Variants in CFAP410 observed in about 807,000 individuals in gnomAD.
The protein encoded by CFAP410 is cilia and flagella associated protein 410, also known as cilia- and flagella-associated protein 410.
Under a neutral mutation model 25.7 loss-of-function variants are expected in CFAP410, and 27 were observed. The ratio of observed to expected loss-of-function variants is 1.05; its 90% CI spans 0.77 to 1.45. The LOEUF is 1.45. Ranked by LOEUF, CFAP410 falls within the 40% of genes most tolerant of loss-of-function variation. CFAP410 has a pLI of 0.00. For missense variants in CFAP410, 428 were observed against 354.1 expected (o/e 1.21, Z -1.67); for synonymous variants, 178 against 158.4 (o/e 1.12, Z -0.93).
At chr21:44,330,661 G>A (rs1477328017) in intron 6 of CFAP410, 162 bp downstream of exon 6, 33 of 1,549,726 alleles carry the variant, frequency 2.1e-5, no homozygotes, top group Admixed American at 3.9e-5. Flanking sequence ...TCACAGACCC[G>A]CACACGCAGC....
chr21:44,330,245 G>A lies in CFAP410; in HGVS notation c.724C>T (p.Arg242Trp), dbSNP rs780412319. 20 of 1,595,490 alleles carry A rather than the reference G, an allele frequency of 1.3e-5. No individual in the cohort carries two copies. Among genetic ancestry groups the A allele is most frequent in the East Asian group, 4.5e-5 (2 of 44,234 alleles). Residue 242 changes from arginine to tryptophan, a missense_variant, in exon 7 of 7, where the codon CGG becomes TGG. Arg to Trp is a moderately radical substitution (Grantham distance 101). Transcript: ENST00000339818. ...LEAVQQTVGS[R>W]LQALRGEEVQ... Reference sequence around the variant, plus strand: ...TCTTCCCCACGCAGGGCCTGCAGCCGGCTGCCCACAGTCTGCTGCACGGCC... The same window carrying A: ...TCTTCCCCACGCAGGGCCTGCAGCCAGCTGCCCACAGTCTGCTGCACGGCC...
Position 44,333,197 on chromosome 21 carries a change from C to G in CFAP410, c.209G>C (p.Arg70Pro). The G allele has an allele frequency of 6.2e-7, 1 of 1,612,914 alleles. No homozygotes were observed. The highest frequency in any genetic ancestry group is 8.5e-7 in the Non-Finnish European group (1 of 1,179,962). ...RCQRLSELYL[R>P]RNRIPSLAEL... Reference sequence around the variant, plus strand: ...AGCCAGGCTGGGGATGCGGTTCCTCCGCAGGTACAGCTCACTCAGGCGCTG... The same window carrying G: ...AGCCAGGCTGGGGATGCGGTTCCTCGGCAGGTACAGCTCACTCAGGCGCTG... Residue 70 changes from arginine to proline, a missense_variant, in exon 4 of 7, where the codon CGG becomes CCG. Arg to Pro is a moderately radical substitution (Grantham distance 103). Coordinates refer to ENST00000339818, the MANE Select transcript of CFAP410 (RefSeq NM_004928.3).
chr21:44,335,494 G>C (rs768419287), intron 3 of CFAP410: 107 of 562,080 alleles, frequency 1.9e-4, no homozygotes, highest in Non-Finnish European at 2.9e-4. Flanking sequence ...CACAGGCCAA[G>C]GGTGGGCAGG....
intron 3 of CFAP410, chr21:44,334,493 CTCAACCTCTGGGCGGGCACGCGCA>C: frequency 1.5e-5 from 5 of 342,542 alleles, no homozygotes; most frequent in African/African-American, 9.2e-5. Flanking sequence ...CGCACCCCCC[CTCAACCTCTGGGCGGGCACGCGCA>C]CCCCCCCCCC....
chr21:44,334,389 C>A (rs557002784), intron 3 of CFAP410: 48 of 411,214 alleles, frequency 1.2e-4, no homozygotes, highest in Non-Finnish European at 2.1e-4. Flanking sequence ...ACAAGCTCCA[C>A]GTTTCCCTGT....
In CFAP410 at chr21:44,330,748, C is replaced by T. The variant is rs1389479481; in HGVS notation, c.642+75G>A. 1.3e-6 allele frequency: 2 copies of T among 1,550,872 alleles called. No individual in the cohort carries two copies. The highest frequency in any genetic ancestry group is 1.7e-6 in the Non-Finnish European group (2 of 1,147,172). On this transcript the variant is annotated intron_variant, in intron 6 of 6. Transcript: ENST00000339818. ...CCACGGGGCCCTGTGAGGCTCCATGCTCCCTCCCCACGGTTTCTGTGCAGT... is the reference window on the plus strand; with the variant it reads ...CCACGGGGCCCTGTGAGGCTCCATGTTCCCTCCCCACGGTTTCTGTGCAGT...
At chr21:44,333,372 C>T (rs1280333493) in intron 3 of CFAP410, 110 bp from the exon 4 acceptor site, 8 of 825,470 alleles carry the variant, frequency 9.7e-6, no homozygotes, top group South Asian at 1.6e-5. Context: ...TCCCTGCCCT[C>T]TCCTGAGAAG....
chr21:44,337,788 G>T, intron 1 of CFAP410, 121 bp from the exon 2 acceptor site: 1 of 785,008 alleles, frequency 1.3e-6, no homozygotes, highest in Non-Finnish European at 2.1e-6. Context: ...GATTTTAATG[G>T]CATGGCAAAA....
intron 5 of CFAP410, 40 bp from the exon 6 acceptor site, chr21:44,330,959 G>A (rs528395184): frequency 3.0e-5 from 45 of 1,506,096 alleles, no homozygotes; most frequent in Admixed American, 1.0e-4. Context: ...CAGGGGGCTC[G>A]TGGCACCGGG....
At position 44,329,213 on chromosome 21, in the gene CFAP410, A is replaced by C. The variant is rs1281155219; in HGVS notation, c.*985T>G. Reference sequence around the variant, plus strand: ...GTGACGGTGGCACGGCATGGCCCCGAGCTTGGGAGAACAGCGGCCTGCACA... The same window carrying C: ...GTGACGGTGGCACGGCATGGCCCCGCGCTTGGGAGAACAGCGGCCTGCACA... On this transcript the variant is annotated 3_prime_UTR_variant, in exon 7 of 7. Transcript: ENST00000339818. 2.0e-5 allele frequency: 3 copies of C among 152,220 alleles called. No individual in the cohort carries two copies. Among genetic ancestry groups the C allele is most frequent in the Non-Finnish European group, 4.4e-5 (3 of 68,068 alleles). The allele number at this position is 152,220 out of a possible 1,614,324, so 9.4% of individuals were successfully genotyped here.
Position 44,329,925 on chromosome 21 carries a change from C to T in CFAP410, c.*273G>A, listed in dbSNP as rs1353145261. ...AAAATCTTTTATTAGGGAGGACAGC[C>T]TGCAAAATCCTCCCTTTAAGAGCCC... On this transcript the variant is annotated 3_prime_UTR_variant, in exon 7 of 7. Coordinates refer to ENST00000339818, the MANE Select transcript of CFAP410 (RefSeq NM_004928.3). The T allele has an allele frequency of 9.4e-6, 4 of 425,104 alleles. No individual in the cohort carries two copies. The highest frequency in any genetic ancestry group is 4.2e-5 in the Admixed American group (1 of 23,904). 26.3% of individuals were successfully genotyped at this position (425,104 alleles called of 1,614,324 possible).
At position 44,331,874 on chromosome 21, in the gene CFAP410, G is replaced by T; in HGVS notation, c.514C>A (p.Arg172=). The T allele has an allele frequency of 1.2e-6, 2 of 1,612,248 alleles. No homozygotes were observed. Among genetic ancestry groups the T allele is most frequent in the African/African-American group, 1.3e-5 (1 of 75,022 alleles). ...TCCTCCTCGCTGTCCAGCGGGTCCC[G>T]GCCAGTCTCAGCAGCGGAGCTGAGG... ...SSLSSAAETG[R]DPLDSEEEAT... The change falls in exon 5 of 7, where the codon CGG becomes AGG. Residue 172 remains arginine, a synonymous_variant. Coordinates refer to ENST00000339818, the MANE Select transcript of CFAP410 (RefSeq NM_004928.3).
At chr21:44,333,613 G>T in intron 3 of CFAP410, 1 of 395,628 alleles carries the variant, frequency 2.5e-6, no homozygotes, top group African/African-American at 2.0e-5. Context: ...ATATCATGTT[G>T]CCCCAAAGCA....
chr21:44,334,529 CCCCCG>C (rs2047717377), intron 3 of CFAP410: 1 of 30,314 alleles, frequency 3.3e-5, no homozygotes, highest in African/African-American at 2.2e-4. Flanking sequence ...CCCCCCCCCC[CCCCCG>C]CTCAACCTCT....
rs562026804 is a variant in CFAP410, at chr21:44,337,255, G to C, written c.96+394C>G. Among the ~76,000 whole-genome samples, 6 of 152,324 alleles carry C rather than the reference G, an allele frequency of 3.9e-5. No individual in the cohort carries two copies. In the East Asian group the frequency reaches 9.6e-4, roughly 24 times the overall value. On this transcript the variant is annotated intron_variant, in intron 2 of 6. Transcript: ENST00000339818. ...CTGCCTGCCTTTGGGGCAGCGGCAA[G>C]GGGGTACAAGGCTAGATGTGACCAA...
chr21:44,331,266 T>C (rs1415553570), intron 5 of CFAP410: 3 of 385,198 alleles, frequency 7.8e-6, no homozygotes, highest in East Asian at 9.3e-5. Flanking sequence ...CTGTGCCGGA[T>C]GGCAGATGCC....
chr21:44,333,168 G>A lies in CFAP410; in HGVS notation c.238C>T (p.Leu80Phe). The change falls in exon 4 of 7, where the codon CTC (leucine) becomes TTC (phenylalanine). Residue 80 changes from leucine (L) to phenylalanine (F), a missense_variant. Transcript: ENST00000339818. ...CGCGGCAGCCCCTTCAGGTAGAAGA[G>A]CTCAGCCAGGCTGGGGATGCGGTTC... The part of the protein sequence containing the change: ...RRNRIPSLAE[L>F]FYLKGLPRLR... 1 of 1,612,798 alleles carries A rather than the reference G, an allele frequency of 6.2e-7. No homozygotes were observed. The highest frequency in any genetic ancestry group is 1.1e-5 in the South Asian group (1 of 91,060).
At chr21:44,333,807 G>A in intron 3 of CFAP410, 1 of 341,778 alleles carries the variant, frequency 2.9e-6, no homozygotes, top group Admixed American at 4.0e-5. Flanking sequence ...GGACCTGCAG[G>A]CTTTACCCTG....
chr21:44,339,024 T>C (rs1431895124), intron 1 of CFAP410, 94 bp downstream of exon 1: 2 of 351,090 alleles, frequency 5.7e-6, no homozygotes, highest in Non-Finnish European at 4.4e-6. Context: ...GGCTCCGCCC[T>C]CTCCCCGCCC....
Sources: gnomAD v4.1 joint callset for allele counts (sites outside exome capture counted in the v4.1 genomes callset) on GRCh38, gnomAD v4.1.1 for gene constraint, MANE v1.5 for transcripts, NCBI Gene and HGNC (gene_info 2026-07-23, HGNC 2026-07-21) for gene names.